The following AIDA variants were observed in gnomAD, a reference collection of about 807,000 sequenced individuals.
AIDA encodes the protein axin interactor, dorsalization associated.
AIDA carries 18 observed loss-of-function variants against 42.7 expected under a neutral mutation model. That is an observed-to-expected ratio of 0.42 (90% CI 0.29 to 0.63). The LOEUF is 0.63. AIDA is among the 20% of genes least tolerant of loss of function. The pLI is 0.19. For synonymous variants in AIDA, 104 were observed against 122.9 expected (o/e 0.85, Z 1.02); for missense variants, 250 against 354.1 (o/e 0.71, Z 2.36).
At chr1:222,681,000 G>A (rs1378951819) in intron 6 of AIDA, among the ~76,000 whole-genome samples, 3 of 151,884 alleles carry the variant, frequency 2.0e-5, no homozygotes, top group Admixed American at 1.3e-4. Flanking sequence ...TTCATATCCT[G>A]AAGAGGTTTT....
In AIDA at chr1:222,676,139, A is replaced by T. The variant is rs1213801471; in HGVS notation, c.540T>A (p.Asp180Glu). 2 of 1,613,032 alleles carry T rather than the reference A, an allele frequency of 1.2e-6. No homozygotes were observed. Among genetic ancestry groups the T allele is most frequent in the Non-Finnish European group, 1.7e-6 (2 of 1,179,658 alleles). ...TATAGGGATCGATGCACTGCCCAGCATCTTTCAAACCAATTTTCTCAATTC... is the reference window on the plus strand; with the variant it reads ...TATAGGGATCGATGCACTGCCCAGCTTCTTTCAAACCAATTTTCTCAATTC... ...TIRIEKIGLK[D>E]AGQCIDPYIT... Residue 180 changes from aspartate to glutamate, a missense_variant, in exon 7 of 10, where the codon GAT (aspartate) becomes GAA (glutamate). This residue lies in a region of AIDA where 199 missense variants were observed against 232.6 expected (regional missense o/e 0.86). Coordinates refer to ENST00000340020, the MANE Select transcript of AIDA (RefSeq NM_022831.4).
chr1:222,700,726 G>C (rs1215895226), intron 2 of AIDA, among the ~76,000 whole-genome samples: 5 of 149,630 alleles, frequency 3.3e-5, no homozygotes, highest in Non-Finnish European at 1.5e-5. Context: ...CTGCACTCCG[G>C]CCTGGGTGAC....
At chr1:222,711,958 GCTAC>G (rs1656072314) in intron 1 of AIDA, 10 of 484,756 alleles carry the variant, frequency 2.1e-5, no homozygotes, top group South Asian at 1.2e-4. Context: ...GGAAAGAAGG[GCTAC>G]CTGTTGAATG....
intron 4 of AIDA, among the ~76,000 whole-genome samples, chr1:222,689,570 T>C (rs1464766101): frequency 3.2e-5 from 1 of 31,314 alleles, no homozygotes. Context: ...TATATATATG[T>C]ATATATATAT....
chr1:222,680,208 A>C (rs1395207837), intron 6 of AIDA, among the ~76,000 whole-genome samples: 1 of 152,198 alleles, frequency 6.6e-6, no homozygotes, highest in African/African-American at 2.4e-5. Context: ...CTCATATGGC[A>C]GTAAGCAGTT....
chr1:222,689,502 TATATATATATATATATATAC>T (rs1655298088), intron 4 of AIDA, among the ~76,000 whole-genome samples: 2 of 70,578 alleles, frequency 2.8e-5, no homozygotes, highest in Admixed American at 3.0e-4. Flanking sequence ...TATATATATA[TATATATATATATATATATAC>T]ACACATACAC....
At chr1:222,712,100 C>G in intron 1 of AIDA, 108 bp downstream of exon 1, 1 of 1,512,058 alleles carries the variant, frequency 6.6e-7, no homozygotes, top group Non-Finnish European at 8.9e-7. Flanking sequence ...CGGAGCCCCA[C>G]CCTGAGAAGC....
rs1268905608 is a variant in AIDA at position 222,712,270 on chromosome 1, A to G, written c.48T>C (p.Phe16=). The stretch of plus-strand genomic sequence containing the variant: ...AAGAGTCGAAGTCGGCGCCTCTCCT[A>G]AAACTGGCGCCCCAGCGCTGCAGCA... The part of the protein sequence containing the change: ...RSLLQRWGAS[F]RRGADFDSWG... The change falls in exon 1 of 10, where the codon TTT becomes TTC. Residue 16 remains phenylalanine, a synonymous_variant. Transcript: ENST00000340020. 5.7e-6 allele frequency: 9 copies of G among 1,587,592 alleles called. No individual in the cohort carries two copies. The highest frequency in any genetic ancestry group is 1.7e-5 in the Admixed American group (1 of 57,870).
At chr1:222,689,900 C>A (rs1655327928) in intron 4 of AIDA, among the ~76,000 whole-genome samples, 1 of 152,016 alleles carries the variant, frequency 6.6e-6, no homozygotes, top group Admixed American at 6.6e-5. Flanking sequence ...CTGCAAGCTC[C>A]ATTCATAGTA....
chr1:222,700,686 C>T (rs1278895253), intron 2 of AIDA, among the ~76,000 whole-genome samples: 4 of 149,456 alleles, frequency 2.7e-5, no homozygotes, highest in African/African-American at 4.9e-5. Flanking sequence ...ACCCGGGAGG[C>T]GGAGCTTGCA....
intron 2 of AIDA, 143 bp from the exon 3 acceptor site, chr1:222,694,406 T>C (rs1655459369): frequency 2.6e-6 from 2 of 756,790 alleles, no homozygotes; most frequent in South Asian, 1.8e-5. Flanking sequence ...TTTCAGACTC[T>C]AGAGAAAAGA....
chr1:222,705,621 C>T (rs1415154208), intron 1 of AIDA, among the ~76,000 whole-genome samples: 2 of 152,216 alleles, frequency 1.3e-5, no homozygotes, highest in Non-Finnish European at 2.9e-5. Context: ...GAGTGGCTCA[C>T]ACCTGTAATC....
intron 7 of AIDA, among the ~76,000 whole-genome samples, chr1:222,674,476 G>C (rs1349317750): frequency 6.6e-6 from 1 of 152,128 alleles, no homozygotes; most frequent in Non-Finnish European, 1.5e-5. Context: ...TTCCAAACTT[G>C]ATCAAGTGTA....
chr1:222,689,206 G>A (rs1269235469), intron 4 of AIDA, among the ~76,000 whole-genome samples: 1 of 151,828 alleles, frequency 6.6e-6, no homozygotes, highest in Non-Finnish European at 1.5e-5. Flanking sequence ...GGGAGGCTGA[G>A]GCAGATGGAT....
chr1:222,676,602 ATT>A (rs1218020922), intron 6 of AIDA, among the ~76,000 whole-genome samples: 1 of 152,194 alleles, frequency 6.6e-6, no homozygotes, highest in African/African-American at 2.4e-5. Context: ...CTTTAAAAAT[ATT>A]TGTTATATTA....
In AIDA at chr1:222,683,119, T is replaced by C. The variant is rs146551585; in HGVS notation, c.460+3811A>G. Reference sequence around the variant, plus strand: ...TTCATTTTGAAATTATCTTAAAAGTTTGACAAAATCTTAGGGGCCATTATC... The same window carrying C: ...TTCATTTTGAAATTATCTTAAAAGTCTGACAAAATCTTAGGGGCCATTATC... On this transcript the variant is annotated intron_variant, in intron 6 of 9. Coordinates refer to ENST00000340020, the MANE Select transcript of AIDA (RefSeq NM_022831.4). 4.0e-3 allele frequency among the ~76,000 whole-genome samples: 603 copies of C among 152,352 alleles called. 6 individuals carry two copies. Among genetic ancestry groups the C allele is most frequent in the African/African-American group, 0.014 (566 of 41,590 alleles).
chr1:222,696,158 A>T (rs934478709), intron 2 of AIDA, among the ~76,000 whole-genome samples: 2 of 152,248 alleles, frequency 1.3e-5, no homozygotes, highest in Non-Finnish European at 2.9e-5. Context: ...TAAAGATTAC[A>T]TTTGAAAATT....
At chr1:222,675,917 A>G (rs934146775) in intron 7 of AIDA, among the ~76,000 whole-genome samples, 179 bp downstream of exon 7, 10 of 152,220 alleles carry the variant, frequency 6.6e-5, no homozygotes, top group African/African-American at 2.4e-4. Context: ...AATCTCTCAG[A>G]AGTGTTCTGT....
At chr1:222,674,741 G>C (rs929162889) in intron 7 of AIDA, among the ~76,000 whole-genome samples, 1 of 152,088 alleles carries the variant, frequency 6.6e-6, no homozygotes, top group African/African-American at 2.4e-5. Flanking sequence ...AATTCAACAT[G>C]GACTCATTTA....
Sources: allele counts gnomAD v4.1 joint callset (sites outside exome capture counted in the v4.1 genomes callset), GRCh38; gene constraint gnomAD v4.1.1; regional missense constraint gnomAD v4.1.1; transcripts MANE v1.5; gene names NCBI Gene and HGNC (gene_info 2026-07-23, HGNC 2026-07-21).